Variants in EXOC3L4 observed in about 807,000 individuals in gnomAD.
The protein encoded by EXOC3L4 is exocyst complex component 3-like protein 4.
Under a neutral mutation model 69.7 loss-of-function variants are expected in EXOC3L4, and 62 were observed. That is an observed-to-expected ratio of 0.89 (90% confidence interval 0.72 to 1.10). EXOC3L4 has a LOEUF of 1.10. EXOC3L4 is among the 50% of genes least tolerant of loss of function. EXOC3L4 has a pLI of 0.00. For synonymous variants in EXOC3L4, 502 were observed against 464.2 expected, an observed-to-expected ratio of 1.08 and a Z score of -1.05; for missense variants, 1,087 against 1,034.8, an observed-to-expected ratio of 1.05 and a Z score of -0.69.
intron 8 of EXOC3L4, among the ~76,000 whole-genome samples, chr14:103,107,186 T>G (rs1890607996): frequency 6.6e-6 from 1 of 152,078 alleles, no homozygotes; most frequent in African/African-American, 2.4e-5. Context: ...CCCTCAAGGC[T>G]TCTCCAGGGC....
intron 1 of EXOC3L4, 174 bp from the exon 2 acceptor site, chr14:103,100,030 G>C: frequency 1.5e-6 from 1 of 652,164 alleles, no homozygotes; most frequent in South Asian, 2.6e-5. Flanking sequence ...GCTGCGGCCT[G>C]GCACACTGAG....
chr14:103,102,915 C>T (rs1890291895), intron 3 of EXOC3L4, 143 bp downstream of exon 3: 1 of 886,440 alleles, frequency 1.1e-6, no homozygotes, highest in Non-Finnish European at 1.5e-6. Flanking sequence ...CTTCGACATG[C>T]TTTCCTCGGC....
At chr14:103,108,669 G>T in intron 11 of EXOC3L4, 152 bp downstream of exon 11, 2 of 1,094,036 alleles carry the variant, frequency 1.8e-6, no homozygotes, top group Non-Finnish European at 2.6e-6. Context: ...CCTCAAGGCT[G>T]GAGGGGGAAT....
chr14:103,108,319 T>C, intron 10 of EXOC3L4, 77 bp from the exon 11 acceptor site: 1 of 1,570,700 alleles, frequency 6.4e-7, no homozygotes, highest in South Asian at 1.2e-5. Flanking sequence ...GACCTCGCAC[T>C]GACCTCGCGC....
chr14:103,102,098 C>G lies in EXOC3L4; in HGVS notation c.395-20C>G, dbSNP rs766016870. 8.1e-5 allele frequency: 129 copies of G among 1,583,096 alleles called. No homozygotes were observed. The highest frequency in any genetic ancestry group is 1.1e-4 in the Non-Finnish European group (126 of 1,165,322). ...TCTTGGGGCGGTCCCTCTCACCGCC[C>G]TTCTCGCCCGCCTGTGCAGAAGGCA... On this transcript the variant is annotated intron_variant, in intron 2 of 11. Coordinates refer to ENST00000688303, the MANE Select transcript of EXOC3L4 (RefSeq NM_001077594.2).
Position 103,100,508 on chromosome 14 carries a change from ACCGG to A in EXOC3L4, c.292_295del (p.Gly98IlefsTer13), listed in dbSNP as rs752544120. The A allele has an allele frequency of 2.5e-6, 4 of 1,612,872 alleles. No homozygotes were observed. In the Admixed American group the frequency reaches 6.7e-5, roughly 27 times the overall value. Reference sequence around the variant, plus strand: ...GCAAGCCCTGAATGACGGCCCAGCTACCGGCCATTCCCAGGCCACTCCTGAGGTG... The same window carrying A: ...GCAAGCCCTGAATGACGGCCCAGCTACCATTCCCAGGCCACTCCTGAGGTG... On this transcript the variant is annotated frameshift_variant, in exon 2 of 12. Coordinates refer to ENST00000688303, the MANE Select transcript of EXOC3L4 (RefSeq NM_001077594.2). LOFTEE classifies it high-confidence loss of function.
In EXOC3L4 at chr14:103,110,473, G is replaced by T. The variant is rs1045880073; in HGVS notation, c.*250G>T. ...TCAATGCTGCCTATCGGGCGGGGGG[G>T]GGCCTCCCGCCCGACTGTCCAGCTT... is the stretch of plus-strand genomic sequence containing the variant. On this transcript the variant is annotated 3_prime_UTR_variant, in exon 12 of 12. Transcript: ENST00000688303. 4.0e-5 allele frequency: 25 copies of T among 632,308 alleles called. No homozygotes were observed. In the Admixed American group the frequency reaches 4.7e-4, roughly 12 times the overall value. 39.2% of individuals were successfully genotyped at this position (632,308 alleles called of 1,614,324 possible).
At position 103,110,516 on chromosome 14, in the gene EXOC3L4, G is replaced by C. The variant is rs1391776994; in HGVS notation, c.*293G>C. 3.7e-6 allele frequency: 2 copies of C among 539,034 alleles called. No homozygotes were observed. The highest frequency in any genetic ancestry group is 3.9e-5 in the East Asian group (1 of 25,888). 33.4% of individuals were successfully genotyped at this position (539,034 alleles called of 1,614,324 possible). On this transcript the variant is annotated 3_prime_UTR_variant, in exon 12 of 12. Coordinates refer to ENST00000688303, the MANE Select transcript of EXOC3L4 (RefSeq NM_001077594.2). Reference sequence around the variant, plus strand: ...TCCAGCTTCACCCTCCAGTCTGAAAGTGAAGAGCAGAGTATTTATTTAAAA... The same window carrying C: ...TCCAGCTTCACCCTCCAGTCTGAAACTGAAGAGCAGAGTATTTATTTAAAA...
At position 103,102,102 on chromosome 14, in the gene EXOC3L4, T is replaced by A. The variant is rs369873935; in HGVS notation, c.395-16T>A. On this transcript the variant is annotated splice_polypyrimidine_tract_variant and intron_variant, in intron 2 of 11. Transcript: ENST00000688303. Reference sequence around the variant, plus strand: ...GGGGCGGTCCCTCTCACCGCCCTTCTCGCCCGCCTGTGCAGAAGGCAAATC... The same window carrying A: ...GGGGCGGTCCCTCTCACCGCCCTTCACGCCCGCCTGTGCAGAAGGCAAATC... 9.9e-5 allele frequency: 157 copies of A among 1,586,306 alleles called. No homozygotes were observed. Among genetic ancestry groups the A allele is most frequent in the Non-Finnish European group, 1.3e-4 (155 of 1,167,022 alleles).
chr14:103,095,703 G>A (rs1595228628), intron 1 of EXOC3L4, among the ~76,000 whole-genome samples: 1 of 152,250 alleles, frequency 6.6e-6, no homozygotes, highest in East Asian at 1.9e-4. Flanking sequence ...TGTTGCTACT[G>A]TGAAGGGAAG....
chr14:103,102,795 A>G, intron 3 of EXOC3L4, 23 bp downstream of exon 3: 1 of 1,323,922 alleles, frequency 7.6e-7, no homozygotes, highest in African/African-American at 1.5e-5. Context: ...CAGGGCGCCC[A>G]GTGGCGAGGA....
chr14:103,101,656 G>A (rs1430761322), intron 2 of EXOC3L4, among the ~76,000 whole-genome samples: 1 of 152,222 alleles, frequency 6.6e-6, no homozygotes, highest in Non-Finnish European at 1.5e-5. Context: ...ATACACTGGG[G>A]TGGGAAGAGG....
chr14:103,103,426 A>G lies in EXOC3L4; in HGVS notation c.1050-515A>G, dbSNP rs559578180. On this transcript the variant is annotated intron_variant, in intron 3 of 11. Coordinates refer to ENST00000688303, the MANE Select transcript of EXOC3L4 (RefSeq NM_001077594.2). ...GGGCACCCCGTTAGGCCAGACGGGC[A>G]TCTGGGTTCAGGGTACAGCCTGCGG... The G allele has an allele frequency of 1.1e-3, 172 of 154,810 alleles. 2 individuals are homozygous for G. Among genetic ancestry groups the G allele is most frequent in the Admixed American group, 7.2e-3 (110 of 15,360 alleles). 9.6% of individuals were successfully genotyped at this position (154,810 alleles called of 1,614,324 possible).
In EXOC3L4 at chr14:103,100,618, G is replaced by A. The variant is rs1330882472; in HGVS notation, c.394+5G>A. ...AGGAACTGAAACCCGAGGCAGGTAAGGGCCTCAGAAACAACACGAAGCATG... is the reference window on the plus strand; with the variant it reads ...AGGAACTGAAACCCGAGGCAGGTAAAGGCCTCAGAAACAACACGAAGCATG... On this transcript the variant is annotated splice_donor_5th_base_variant and intron_variant, in intron 2 of 11. Transcript: ENST00000688303. 1 of 1,598,072 alleles carries A rather than the reference G, an allele frequency of 6.3e-7. No homozygotes were observed. Among genetic ancestry groups the A allele is most frequent in the Admixed American group, 1.7e-5 (1 of 58,802 alleles).
chr14:103,102,562 C>A lies in EXOC3L4; in HGVS notation c.839C>A (p.Ala280Asp), dbSNP rs924242897. The change falls in exon 3 of 12, where the codon GCC (alanine) becomes GAC (aspartate). Residue 280 changes from alanine to aspartate, a missense_variant. Transcript: ENST00000688303. Reference sequence around the variant, plus strand: ...GCGTCGGGTTTGGCCCAGCTTCTGGCCGAGCTGGGTGGCTTGGTTCGCCGC... The same window carrying A: ...GCGTCGGGTTTGGCCCAGCTTCTGGACGAGCTGGGTGGCTTGGTTCGCCGC... The part of the protein sequence containing the change: ...EGASGLAQLL[A>D]ELGGLVRRDL... 5.5e-6 allele frequency: 8 copies of A among 1,442,750 alleles called. No homozygotes were observed. The African/African-American group carries it at 7.4e-5, about 13-fold the overall frequency. 89.4% of individuals were successfully genotyped at this position (1,442,750 alleles called of 1,614,324 possible). A position where few individuals can be genotyped will look rare whatever the true frequency, so the allele number is the denominator to read the frequency against.
At chr14:103,104,625 C>A in intron 5 of EXOC3L4, 113 bp from the exon 6 acceptor site, 1 of 1,255,878 alleles carries the variant, frequency 8.0e-7, no homozygotes, top group Non-Finnish European at 1.1e-6. Context: ...CTGGAGGGGC[C>A]AAGACTGACA....
rs1474730910 is a variant in EXOC3L4 at position 103,105,078 on chromosome 14, G to A, written c.1466+6G>A. On this transcript the variant is annotated splice_donor_region_variant and intron_variant, in intron 7 of 11. Transcript: ENST00000688303. Reference sequence around the variant, plus strand: ...AACGCCTGCGAGGAGCTCAGGTAGGGCTCGCCCGCTCCTGTGCGGGCGCAG... The same window carrying A: ...AACGCCTGCGAGGAGCTCAGGTAGGACTCGCCCGCTCCTGTGCGGGCGCAG... 6.3e-7 allele frequency: 1 copy of A among 1,595,406 alleles called. No homozygotes were observed. Among genetic ancestry groups the A allele is most frequent in the Middle Eastern group, 1.7e-4 (1 of 5,902 alleles).
Position 103,102,506 on chromosome 14 carries a change from C to T in EXOC3L4, c.783C>T (p.Gly261=), listed in dbSNP as rs1323751568. The T allele has an allele frequency of 1.4e-6, 2 of 1,381,748 alleles. No individual in the cohort carries two copies. Among genetic ancestry groups the T allele is most frequent in the African/African-American group, 3.0e-5 (2 of 65,656 alleles). The allele number at this position is 1,381,748 out of a possible 1,614,324, so 85.6% of individuals were successfully genotyped here. ...CTCAGGAGCGCGTGCGGCGGCCGGG[C>T]GCGGGGTGGGCCTTCGGGGAGGCGG... ...RSAQERVRRP[G]AGWAFGEAEG... Residue 261 remains glycine (G), a synonymous_variant, in exon 3 of 12, where the codon GGC becomes GGT. Coordinates refer to ENST00000688303, the MANE Select transcript of EXOC3L4 (RefSeq NM_001077594.2).
chr14:103,106,187 G>T (rs760680276), intron 7 of EXOC3L4, among the ~76,000 whole-genome samples: 11 of 152,262 alleles, frequency 7.2e-5, no homozygotes, highest in Admixed American at 1.3e-4. Flanking sequence ...CCAGGAAGTG[G>T]TGGAGCTGGG....
Sources: gnomAD v4.1 joint callset for allele counts (sites outside exome capture counted in the v4.1 genomes callset) on GRCh38, gnomAD v4.1.1 for gene constraint, MANE v1.5 for transcripts, NCBI Gene and HGNC (gene_info 2026-07-23, HGNC 2026-07-21) for gene names.